Variants in SPG11 observed in about 807,000 individuals in gnomAD.
SPG11 encodes the protein spatacsin.
SPG11 carries 222 observed loss-of-function variants against 274.0 expected under a neutral mutation model. That is an observed-to-expected ratio of 0.81 (90% CI 0.73 to 0.91). The LOEUF (loss-of-function observed/expected upper bound fraction) is 0.91, where lower values mean the gene tolerates loss of function less well. Among genes scored for constraint, SPG11 ranks in the 40% least tolerant of loss-of-function variants. The pLI is 0.00. For synonymous variants in SPG11, 1,144 were observed against 1,039.7 expected (o/e 1.10, Z -1.93); for missense variants, 3,114 against 2,872.7 (o/e 1.08, Z -1.92).
chr15:44,583,843 G>A lies in SPG11; in HGVS notation c.5837C>T (p.Pro1946Leu). 1 of 1,614,108 alleles carries A rather than the reference G, an allele frequency of 6.2e-7. No individual in the cohort carries two copies. The highest frequency in any genetic ancestry group is 8.5e-7 in the Non-Finnish European group (1 of 1,180,026). The change falls in exon 30 of 40, where the codon CCC becomes CTC. Residue 1946 changes from proline (P) to leucine (L), a missense_variant. Physicochemically the swap from Pro to Leu is moderately conservative, Grantham distance 98. Coordinates refer to ENST00000261866, the MANE Select transcript of SPG11 (RefSeq NM_025137.4). Reference sequence around the variant, plus strand: ...GTGGACTCTCCTTAGGGGAATGTCGGGTGCTTCTTCCTCAAGCAGCTCAGC... The same window carrying A: ...GTGGACTCTCCTTAGGGGAATGTCGAGTGCTTCTTCCTCAAGCAGCTCAGC... ...QSAELLEEEA[P>L]DIPLRRVHST...
chr15:44,596,978 AAAAAC>A, intron 23 of SPG11, 35 bp from the exon 24 acceptor site: 1 of 1,606,006 alleles, frequency 6.2e-7, no homozygotes, highest in Non-Finnish European at 8.5e-7. Flanking sequence ...GTGGTCAAGA[AAAAAC>A]AAAAAACTCA....
rs190111457 is a variant in SPG11 at position 44,629,648 on chromosome 15, T to C, written c.1736-260A>G. 1.8e-4 allele frequency among the ~76,000 whole-genome samples: 27 copies of C among 152,346 alleles called. 1 individual carries two copies. In the East Asian group the frequency reaches 4.8e-3, roughly 27 times the overall value. ...TACATCTTAAGTACTGTACTTGTTG[T>C]TTTATAAATGCTATCTCATTTATTC... On this transcript the variant is annotated intron_variant, in intron 8 of 39. Transcript: ENST00000261866.
intron 24 of SPG11, 96 bp downstream of exon 24, chr15:44,596,688 A>G: frequency 1.6e-6 from 1 of 608,794 alleles, no homozygotes; most frequent in Non-Finnish European, 2.7e-6. Context: ...AAAAAAAAAA[A>G]AAGGCCTATG....
Position 44,660,614 on chromosome 15 carries a change from A to C in SPG11, c.260T>G (p.Phe87Cys). The change falls in exon 2 of 40, where the codon TTT (phenylalanine) becomes TGT (cysteine). Residue 87 changes from phenylalanine (F) to cysteine (C), a missense_variant and splice_region_variant. By Grantham distance (205) the Phe-to-Cys change is radical. Coordinates refer to ENST00000261866, the MANE Select transcript of SPG11 (RefSeq NM_025137.4). ...RCCLEGPFWH[F>C]LWEDSRNSST... ...GCTGTTACGAGAATCCTCCCATAGA[A>C]AGCTAAGAAAAAAAGTTTAGATTTA... 1 of 1,613,988 alleles carries C rather than the reference A, an allele frequency of 6.2e-7. No homozygotes were observed. Among genetic ancestry groups the C allele is most frequent in the Non-Finnish European group, 8.5e-7 (1 of 1,179,972 alleles).
Position 44,562,790 on chromosome 15 carries a change from C to A in SPG11, c.*331G>T. The A allele has an allele frequency of 4.1e-6, 1 of 241,014 alleles. No individual in the cohort carries two copies. Among genetic ancestry groups the A allele is most frequent in the Non-Finnish European group, 8.2e-6 (1 of 122,362 alleles). 14.9% of individuals were successfully genotyped at this position (241,014 alleles called of 1,614,324 possible). A position where few individuals can be genotyped will look rare whatever the true frequency, so the allele number is the denominator to read the frequency against. ...AACTGTGTAAATAATAATTAAATTT[C>A]TTTGAAACTGGAATCTGCAGGTACA... On this transcript the variant is annotated 3_prime_UTR_variant, in exon 40 of 40. Coordinates refer to ENST00000261866, the MANE Select transcript of SPG11 (RefSeq NM_025137.4).
At chr15:44,626,841 G>C (rs1356028656) in intron 10 of SPG11, among the ~76,000 whole-genome samples, 2 of 151,910 alleles carry the variant, frequency 1.3e-5, no homozygotes, top group African/African-American at 4.8e-5. Flanking sequence ...AGGCTTGCTA[G>C]TAGAAGTAAC....
chr15:44,662,551 G>C (rs1203660520), intron 1 of SPG11, among the ~76,000 whole-genome samples: 1 of 150,860 alleles, frequency 6.6e-6, no homozygotes, highest in Non-Finnish European at 1.5e-5. Context: ...GCCTGTAGTC[G>C]TAGCTGCTGG....
intron 30 of SPG11, among the ~76,000 whole-genome samples, chr15:44,576,579 G>A (rs377642089): frequency 7.3e-5 from 11 of 151,664 alleles, no homozygotes; most frequent in African/African-American, 2.2e-4. Flanking sequence ...AACCCGGGAG[G>A]TGGAGCTTGC....
At chr15:44,641,087 G>A (rs2084426466) in intron 7 of SPG11, among the ~76,000 whole-genome samples, 1 of 152,150 alleles carries the variant, frequency 6.6e-6, no homozygotes, top group Non-Finnish European at 1.5e-5. Context: ...AATTAAAATA[G>A]CCCATATCAT....
chr15:44,605,028 A>G (rs2083286508), intron 20 of SPG11, among the ~76,000 whole-genome samples: 1 of 151,550 alleles, frequency 6.6e-6, no homozygotes, highest in Admixed American at 6.6e-5. Context: ...TTAAACTTCT[A>G]AAAACAGCAG....
chr15:44,585,613 A>T, intron 29 of SPG11, 23 bp downstream of exon 29: 1 of 1,574,538 alleles, frequency 6.4e-7, no homozygotes, highest in Non-Finnish European at 8.6e-7. Flanking sequence ...AAAAAAAAAA[A>T]AAAAAAAAAA....
chr15:44,567,407 G>T lies in SPG11; in HGVS notation c.6754+17C>A. The T allele has an allele frequency of 6.2e-7, 1 of 1,612,770 alleles. No individual in the cohort carries two copies. Among genetic ancestry groups the T allele is most frequent in the Non-Finnish European group, 8.5e-7 (1 of 1,179,242 alleles). Reference sequence around the variant, plus strand: ...CTAGCAGCACTGTTCTGGTAGTGTGGCTGTGACCTCACTCACCCCAGGGCT... The same window carrying T: ...CTAGCAGCACTGTTCTGGTAGTGTGTCTGTGACCTCACTCACCCCAGGGCT... On this transcript the variant is annotated intron_variant, in intron 36 of 39. Transcript: ENST00000261866.
chr15:44,636,841 G>A (rs547304285), intron 7 of SPG11, among the ~76,000 whole-genome samples: 10 of 145,232 alleles, frequency 6.9e-5, no homozygotes, highest in East Asian at 2.0e-4. Flanking sequence ...GAGGAGAATC[G>A]CTTGAACCCA....
chr15:44,590,192 G>A (rs1053488238), intron 27 of SPG11, among the ~76,000 whole-genome samples: 31 of 152,308 alleles, frequency 2.0e-4, no homozygotes, highest in African/African-American at 7.0e-4. Context: ...TTAGAAAGAC[G>A]TGCCTAACAT....
Position 44,663,545 on chromosome 15 carries a change from C to T in SPG11, c.103G>A (p.Ala35Thr), listed in dbSNP as rs762117718. The change falls in exon 1 of 40, where the codon GCC (alanine) becomes ACC (threonine). Residue 35 changes from alanine (A) to threonine (T), a missense_variant. Transcript: ENST00000261866. ...VLPMLLVPVPAEAMGQLGSRA... is the reference protein window; with the variant it reads ...VLPMLLVPVPTEAMGQLGSRA... ...GAGCCGAGCTGCCCCATCGCCTCGG[C>T]GGGGACTGGCACCAACAGCATCGGT... 1.9e-6 allele frequency: 3 copies of T among 1,597,148 alleles called. No individual in the cohort carries two copies. Among genetic ancestry groups the T allele is most frequent in the South Asian group, 1.1e-5 (1 of 89,208 alleles).
At chr15:44,587,476 G>A (rs1049119831) in intron 28 of SPG11, among the ~76,000 whole-genome samples, 6 of 152,108 alleles carry the variant, frequency 3.9e-5, no homozygotes, top group Non-Finnish European at 8.8e-5. Context: ...GAGTGCTTGA[G>A]CTCAGGAGCT....
Position 44,566,901 on chromosome 15 carries a change from C to T in SPG11, c.6754+523G>A, listed in dbSNP as rs370063633. 3.9e-5 allele frequency among the ~76,000 whole-genome samples: 6 copies of T among 152,002 alleles called. No homozygotes were observed. The South Asian group carries it at 8.3e-4, about 21-fold the overall frequency. On this transcript the variant is annotated intron_variant, in intron 36 of 39. Transcript: ENST00000261866. ...GTATTTTAGTAGAGACAGGATTGCA[C>T]CATGTTGCCCAGGCTGGTGTTGAAC...
rs2082306504 is a variant in SPG11, at chr15:44,566,257, G to A, written c.6803C>T (p.Ala2268Val). 3 of 1,614,172 alleles carry A rather than the reference G, an allele frequency of 1.9e-6. 1 individual carries two copies. Among genetic ancestry groups the A allele is most frequent in the Middle Eastern group, 3.3e-4 (2 of 6,062 alleles). The part of the protein sequence containing the change: ...GHQLKQLLLK[A>V]LTLMLDAAES... The stretch of plus-strand genomic sequence containing the variant: ...TGCTGCATCCAACATCAGAGTCAGG[G>A]CCTTCAGCAGCAGTTGTTTCAGCTG... The change falls in exon 37 of 40, where the codon GCC (alanine) becomes GTC (valine). Residue 2268 changes from alanine to valine, a missense_variant. Physicochemically the swap from Ala to Val is moderately conservative, Grantham distance 64. Transcript: ENST00000261866.
chr15:44,661,281 TAAC>T (rs1832302211), intron 1 of SPG11, among the ~76,000 whole-genome samples: 1 of 152,148 alleles, frequency 6.6e-6, no homozygotes, highest in African/African-American at 2.4e-5. Flanking sequence ...AATGTCAAAA[TAAC>T]AACACTGGCA....
Sources: gnomAD v4.1 joint callset for allele counts (sites outside exome capture counted in the v4.1 genomes callset) on GRCh38, gnomAD v4.1.1 for gene constraint, MANE v1.5 for transcripts, NCBI Gene and HGNC (gene_info 2026-07-23, HGNC 2026-07-21) for gene names.